Variants in ANXA10 observed in about 807,000 individuals in gnomAD.
ANXA10 encodes the protein annexin 14.
A neutral mutation model predicts 53.5 loss-of-function variants in ANXA10; 49 were observed. The ratio of observed to expected loss-of-function variants is 0.92; its 90% CI spans 0.73 to 1.16. The LOEUF is 1.16. Ranked by LOEUF, ANXA10 falls within the 50% of genes most tolerant of loss-of-function variation. The pLI is 0.00. For missense variants in ANXA10, 393 were observed against 394.4 expected (o/e 1.00, Z 0.03); for synonymous variants, 131 against 128.9 (o/e 1.02, Z -0.11).
intron 3 of ANXA10, among the ~76,000 whole-genome samples, chr4:168,144,635 G>A (rs918435715): frequency 5.9e-5 from 9 of 152,160 alleles, no homozygotes; most frequent in Admixed American, 2.6e-4. Context: ...TACAATTTCC[G>A]GAAAGCTATT....
chr4:168,167,928 G>A (rs1173148718), intron 6 of ANXA10, among the ~76,000 whole-genome samples: 1 of 152,130 alleles, frequency 6.6e-6, no homozygotes, highest in African/African-American at 2.4e-5. Context: ...AGCTTACATT[G>A]CTTGGAATCA....
intron 3 of ANXA10, among the ~76,000 whole-genome samples, chr4:168,157,729 GCT>G (rs1731714451): frequency 6.6e-6 from 1 of 152,066 alleles, no homozygotes; most frequent in African/African-American, 2.4e-5. Flanking sequence ...TGTCATATGT[GCT>G]CTTTTATGTC....
At chr4:168,128,941 C>CA (rs200536933) in intron 2 of ANXA10, among the ~76,000 whole-genome samples, 100 of 149,248 alleles carry the variant, frequency 6.7e-4, no homozygotes, top group Admixed American at 1.1e-3. Flanking sequence ...GATTCTTTTA[C>CA]AAAAAAAAAT....
chr4:168,170,801 C>T (rs534799545), intron 6 of ANXA10, among the ~76,000 whole-genome samples: 1 of 151,924 alleles, frequency 6.6e-6, no homozygotes, highest in Non-Finnish European at 1.5e-5. Flanking sequence ...ATATAAAATA[C>T]ACAAAAATAC....
At chr4:168,157,458 G>A (rs148052017) in intron 3 of ANXA10, among the ~76,000 whole-genome samples, 8,975 of 152,072 alleles carry the variant, frequency 0.059, 349 homozygotes, top group South Asian at 0.16. Context: ...AGTAGAGACA[G>A]GGTTTCAGCA....
chr4:168,139,532 T>G lies in ANXA10; in HGVS notation c.147T>G (p.Asn49Lys). 6.2e-7 allele frequency: 1 copy of G among 1,613,254 alleles called. No individual in the cohort carries two copies. Among genetic ancestry groups the G allele is most frequent in the Non-Finnish European group, 8.5e-7 (1 of 1,179,340 alleles). Residue 49 changes from asparagine to lysine, a missense_variant, in exon 3 of 12, where the codon AAT (asparagine) becomes AAG (lysine). Transcript: ENST00000359299. ...MLINILTQRC[N>K]AQRMMIAEAY... ...TCAACATTCTGACTCAGCGCTGCAATGCACAAAGGATGATGATTGCAGAGG... is the reference window on the plus strand; with the variant it reads ...TCAACATTCTGACTCAGCGCTGCAAGGCACAAAGGATGATGATTGCAGAGG...
chr4:168,183,470 A>G (rs746542449), intron 10 of ANXA10, among the ~76,000 whole-genome samples: 1 of 152,236 alleles, frequency 6.6e-6, no homozygotes, highest in Non-Finnish European at 1.5e-5. Flanking sequence ...ATGAAGCTTC[A>G]CTTGTGAATG....
At chr4:168,178,659 C>A (rs1732181340) in intron 8 of ANXA10, among the ~76,000 whole-genome samples, 1 of 152,062 alleles carries the variant, frequency 6.6e-6, no homozygotes, top group Non-Finnish European at 1.5e-5. Flanking sequence ...TGGATGAGAA[C>A]TAAAGTTGCC....
intron 1 of ANXA10, among the ~76,000 whole-genome samples, chr4:168,105,440 C>T (rs1346977631): frequency 1.3e-5 from 2 of 152,074 alleles, no homozygotes; most frequent in Admixed American, 6.6e-5. Context: ...CTGCAAAGCA[C>T]ACAATTTCAT....
intron 3 of ANXA10, among the ~76,000 whole-genome samples, chr4:168,157,269 A>AT (rs200621679): frequency 0.013 from 1,681 of 133,568 alleles, 31 homozygotes; most frequent in African/African-American, 0.038. Flanking sequence ...ATTTCTTTAT[A>AT]TTTTTTTTTC....
intron 1 of ANXA10, among the ~76,000 whole-genome samples, chr4:168,120,208 A>G (rs1292643373): frequency 6.6e-6 from 1 of 152,150 alleles, no homozygotes; most frequent in Non-Finnish European, 1.5e-5. Flanking sequence ...TGAAACTCAT[A>G]GGAAAAAAGT....
At chr4:168,137,789 G>A (rs923449953) in intron 2 of ANXA10, among the ~76,000 whole-genome samples, 1 of 151,874 alleles carries the variant, frequency 6.6e-6, no homozygotes, top group African/African-American at 2.4e-5. Context: ...CTTTCCCTTT[G>A]AGTATGTACA....
chr4:168,136,975 T>C (rs1186672101), intron 2 of ANXA10, among the ~76,000 whole-genome samples: 1 of 152,212 alleles, frequency 6.6e-6, no homozygotes, highest in Non-Finnish European at 1.5e-5. Context: ...ACTCACAGAC[T>C]TAACACCATG....
At chr4:168,122,842 AACACTGGAGCCC>A (rs1560964184) in intron 1 of ANXA10, among the ~76,000 whole-genome samples, 1 of 152,152 alleles carries the variant, frequency 6.6e-6, no homozygotes, top group Non-Finnish European at 1.5e-5. Context: ...CCCCACCTCC[AACACTGGAGCCC>A]ACATTTCAAC....
At position 168,112,268 on chromosome 4, in the gene ANXA10, A is replaced by G. The variant is rs79161465; in HGVS notation, c.19-15816A>G. The stretch of plus-strand genomic sequence containing the variant: ...CCGAGATCGTACCACTGCACTCCAG[A>G]GCCTCTGCAGCAGAGCAAGACTCTG... On this transcript the variant is annotated intron_variant, in intron 1 of 11. Coordinates refer to ENST00000359299, the MANE Select transcript of ANXA10 (RefSeq NM_007193.5). Among the ~76,000 whole-genome samples, 82 of 152,152 alleles carry G rather than the reference A, an allele frequency of 5.4e-4. No homozygotes were observed. In the Middle Eastern group the frequency reaches 0.01, roughly 19 times the overall value.
intron 1 of ANXA10, among the ~76,000 whole-genome samples, chr4:168,093,634 GC>G (rs912438953): frequency 1.9e-4 from 29 of 152,144 alleles, no homozygotes; most frequent in Non-Finnish European, 3.2e-4. Context: ...CCGAGATCGC[GC>G]CACTGCACTC....
At chr4:168,167,607 C>T (rs750496078) in intron 6 of ANXA10, among the ~76,000 whole-genome samples, 9 of 152,128 alleles carry the variant, frequency 5.9e-5, no homozygotes, top group South Asian at 2.1e-4. Context: ...TTATAGCACA[C>T]GTTATCAATA....
intron 1 of ANXA10, among the ~76,000 whole-genome samples, chr4:168,114,070 T>A (rs533373711): frequency 9.2e-5 from 14 of 152,332 alleles, no homozygotes; most frequent in Middle Eastern, 3.4e-3. Flanking sequence ...ATTTGGTTAT[T>A]TCTTTTGTAA....
At chr4:168,120,746 G>T (rs1487099551) in intron 1 of ANXA10, among the ~76,000 whole-genome samples, 1 of 151,206 alleles carries the variant, frequency 6.6e-6, no homozygotes. Context: ...ATGACTTAAT[G>T]TTAATGTTTT....
Sources: allele counts gnomAD v4.1 joint callset (sites outside exome capture counted in the v4.1 genomes callset), GRCh38; gene constraint gnomAD v4.1.1; transcripts MANE v1.5; gene names NCBI Gene and HGNC (gene_info 2026-07-23, HGNC 2026-07-21).